The following DLG2 variants were observed in gnomAD, a reference collection of about 807,000 sequenced individuals.
DLG2 encodes the protein discs large MAGUK scaffold protein 2.
DLG2 carries 45 observed loss-of-function variants against 132.5 expected under a neutral mutation model. That is an observed-to-expected ratio of 0.34 (90% CI 0.27 to 0.44). The LOEUF (loss-of-function observed/expected upper bound fraction) is 0.44. DLG2 is among the 20% of genes least tolerant of loss of function. DLG2 has a pLI of 1.00. For synonymous variants in DLG2, 424 were observed against 419.6 expected, an observed-to-expected ratio of 1.01 and a Z score of -0.13; for missense variants, 1,045 against 1,196.9, an observed-to-expected ratio of 0.87 and a Z score of 1.87.
intron 7 of DLG2, among the ~76,000 whole-genome samples, chr11:84,360,595 G>T (rs926063029): frequency 6.6e-6 from 1 of 151,888 alleles, no homozygotes; most frequent in African/African-American, 2.4e-5. Flanking sequence ...AGAAATACGG[G>T]ACTCAAACAG....
chr11:84,810,300 G>A (rs1029766562), intron 6 of DLG2, among the ~76,000 whole-genome samples: 1 of 152,046 alleles, frequency 6.6e-6, no homozygotes, highest in East Asian at 1.9e-4. Flanking sequence ...GGTGAAGATA[G>A]GAAGAGATAT....
intron 3 of DLG2, among the ~76,000 whole-genome samples, chr11:85,379,803 T>C (rs1406731029): frequency 1.3e-5 from 2 of 152,144 alleles, no homozygotes; most frequent in East Asian, 3.8e-4. Context: ...TATGAAGGAG[T>C]TCTCTTCACC....
At chr11:85,576,160 T>G (rs1294489415) in intron 3 of DLG2, among the ~76,000 whole-genome samples, 1 of 152,300 alleles carries the variant, frequency 6.6e-6, no homozygotes, top group East Asian at 1.9e-4. Flanking sequence ...GAGATCCATA[T>G]TTTTATTCTG....
At chr11:84,854,084 A>G (rs1021762159) in intron 6 of DLG2, among the ~76,000 whole-genome samples, 1 of 152,016 alleles carries the variant, frequency 6.6e-6, no homozygotes, top group Non-Finnish European at 1.5e-5. Flanking sequence ...GCCATTGCTT[A>G]TATGTTGACA....
intron 7 of DLG2, among the ~76,000 whole-genome samples, chr11:84,384,664 A>AAT (rs1003669086): frequency 8.6e-5 from 13 of 151,738 alleles, no homozygotes; most frequent in East Asian, 1.9e-4. Context: ...AACTATATTA[A>AAT]ATATATATAT....
At chr11:84,740,417 G>C (rs2064447580) in intron 6 of DLG2, among the ~76,000 whole-genome samples, 1 of 152,190 alleles carries the variant, frequency 6.6e-6, no homozygotes, top group African/African-American at 2.4e-5. Context: ...CCTGAGCCCA[G>C]CTGGGAGAGA....
chr11:83,862,569 T>C (rs1211394420), intron 16 of DLG2, among the ~76,000 whole-genome samples: 1 of 152,152 alleles, frequency 6.6e-6, no homozygotes, highest in South Asian at 2.1e-4. Context: ...AACAATATTT[T>C]AATGTACACT....
rs556948157 is a variant in DLG2, at chr11:83,580,635, T to C, written c.1941-38777A>G. Among the ~76,000 whole-genome samples the C allele has an allele frequency of 3.3e-5, 5 of 152,342 alleles. No homozygotes were observed. In the East Asian group the frequency reaches 7.7e-4, roughly 24 times the overall value. ...ACTTCATTAATAGTAACACATTACA[T>C]TGGGTGATATATTTGTCTACTTAGT... On this transcript the variant is annotated intron_variant, in intron 19 of 27. Coordinates refer to ENST00000376104, the MANE Select transcript of DLG2 (RefSeq NM_001142699.3).
chr11:83,777,296 CT>C (rs755806185), intron 18 of DLG2, among the ~76,000 whole-genome samples: 3 of 152,076 alleles, frequency 2.0e-5, no homozygotes, highest in Non-Finnish European at 4.4e-5. Flanking sequence ...GAATTTTTGT[CT>C]TTTAAAGACT....
chr11:84,516,125 T>TA (rs1255573983), intron 7 of DLG2, among the ~76,000 whole-genome samples: 2 of 114,066 alleles, frequency 1.8e-5, no homozygotes, highest in African/African-American at 3.7e-5. Context: ...AATGTCTACA[T>TA]CAAAAAAAAA....
intron 6 of DLG2, among the ~76,000 whole-genome samples, chr11:84,569,869 G>A (rs766436199): frequency 2.0e-5 from 3 of 152,116 alleles, no homozygotes; most frequent in Admixed American, 6.5e-5. Flanking sequence ...GGACACCTGG[G>A]CTTTGCTGTG....
At chr11:84,587,215 C>T (rs1461540328) in intron 6 of DLG2, among the ~76,000 whole-genome samples, 1 of 152,118 alleles carries the variant, frequency 6.6e-6, no homozygotes, top group Non-Finnish European at 1.5e-5. Context: ...GCCAGAAAAT[C>T]CCAAATTTAT....
intron 6 of DLG2, among the ~76,000 whole-genome samples, chr11:84,859,416 G>GTA (rs1566174951): frequency 5.7e-5 from 8 of 139,716 alleles, no homozygotes; most frequent in African/African-American, 2.1e-4. Flanking sequence ...ACATATATAT[G>GTA]TATACATATA....
At chr11:83,980,445 C>T (rs1173308166) in intron 12 of DLG2, 61 bp downstream of exon 12, 2 of 1,553,050 alleles carry the variant, frequency 1.3e-6, no homozygotes, top group African/African-American at 2.8e-5. Context: ...CAAAGACAGT[C>T]ATACACTGGA....
intron 6 of DLG2, among the ~76,000 whole-genome samples, chr11:84,932,602 C>T (rs897235662): frequency 6.6e-6 from 1 of 152,150 alleles, no homozygotes; most frequent in African/African-American, 2.4e-5. Context: ...TGAGTGAGAA[C>T]ATGCAGTGTT....
rs1565312126 is a variant in DLG2, at chr11:83,462,067, T to C, written c.2756A>G (p.Glu919Gly). 6.2e-7 allele frequency: 1 copy of C among 1,613,076 alleles called. No individual in the cohort carries two copies. Among genetic ancestry groups the C allele is most frequent in the African/African-American group, 1.3e-5 (1 of 75,032 alleles). ...TCGATCATAGGTTTTCTTGGCTTGTTCCTCTGTTAGACGCTTATTCATCTC... is the reference window on the plus strand; with the variant it reads ...TCGATCATAGGTTTTCTTGGCTTGTCCCTCTGTTAGACGCTTATTCATCTC... ...LMEMNKRLTEEQAKKTYDRAI... is the reference protein window; with the variant it reads ...LMEMNKRLTEGQAKKTYDRAI... The change falls in exon 27 of 28, where the codon GAA (glutamate) becomes GGA (glycine). Residue 919 changes from glutamate to glycine, a missense_variant. By Grantham distance (98) the Glu-to-Gly change is moderately conservative. This residue lies in a region of DLG2 where 398 missense variants were observed against 543.6 expected (regional missense o/e 0.73). Coordinates refer to ENST00000376104, the MANE Select transcript of DLG2 (RefSeq NM_001142699.3).
intron 6 of DLG2, among the ~76,000 whole-genome samples, chr11:84,737,210 T>C (rs1179130272): frequency 6.6e-6 from 1 of 152,020 alleles, no homozygotes; most frequent in East Asian, 1.9e-4. Flanking sequence ...TGTTTGGTCA[T>C]GATATATTAT....
At chr11:83,897,353 A>T (rs2072051492) in intron 15 of DLG2, among the ~76,000 whole-genome samples, 1 of 152,244 alleles carries the variant, frequency 6.6e-6, no homozygotes, top group Admixed American at 6.5e-5. Flanking sequence ...AAAAGCATTG[A>T]TTCAAAGGGA....
Position 84,117,426 on chromosome 11 carries a change from A to C in DLG2, c.625-18379T>G, listed in dbSNP as rs113763431. ...AACTAAGTGGGAGACTTGGTTTTCT[A>C]CTTGGGTCTTTCAGCTTAAGTCTGG... is the stretch of plus-strand genomic sequence containing the variant. On this transcript the variant is annotated intron_variant, in intron 9 of 27. Transcript: ENST00000376104. Among the ~76,000 whole-genome samples the C allele has an allele frequency of 2.0e-5, 3 of 152,314 alleles. 1 individual carries two copies. Among genetic ancestry groups the C allele is most frequent in the African/African-American group, 7.2e-5 (3 of 41,576 alleles).
Sources: gnomAD v4.1 joint callset for allele counts (sites outside exome capture counted in the v4.1 genomes callset) on GRCh38, gnomAD v4.1.1 for gene constraint, gnomAD v4.1.1 regional missense constraint, MANE v1.5 for transcripts, NCBI Gene and HGNC (gene_info 2026-07-23, HGNC 2026-07-21) for gene names.